The following ZNF718 variants were observed in gnomAD, a reference collection of about 807,000 sequenced individuals.
ZNF718 encodes the protein zinc finger protein 718.
In ZNF718, 3 loss-of-function variants were observed where a neutral mutation model predicts 2.6. The ratio of observed to expected loss-of-function variants is 1.16; its 90% CI spans 0.53 to 3.01. The LOEUF is 3.01. Among genes scored for constraint, ZNF718 ranks in the 30% most tolerant of loss-of-function variants. The pLI is 0.03. For synonymous variants in ZNF718, 135 were observed against 77.9 expected, an observed-to-expected ratio of 1.73 and a Z score of -3.86; for missense variants, 468 against 230.0, an observed-to-expected ratio of 2.03 and a Z score of -6.69.
chr4:179,746 A>G (rs1717427335), intron 3 of ZNF718, among the ~76,000 whole-genome samples: 1 of 152,202 alleles, frequency 6.6e-6, no homozygotes, highest in African/African-American at 2.4e-5. Context: ...TTGAAAACAA[A>G]TGTCCGTCTT....
intron 3 of ZNF718, among the ~76,000 whole-genome samples, chr4:160,642 C>G (rs1241341573): frequency 6.6e-6 from 1 of 152,086 alleles, no homozygotes; most frequent in African/African-American, 2.4e-5. Flanking sequence ...CTCTACCTCC[C>G]GGGTTCAAGG....
chr4:174,992 C>A (rs1233421231), intron 3 of ZNF718, among the ~76,000 whole-genome samples: 1 of 152,200 alleles, frequency 6.6e-6, no homozygotes, highest in East Asian at 1.9e-4. Flanking sequence ...ATGGCTAGAA[C>A]TTCTGCCCAT....
At chr4:169,220 G>C (rs189108609) in intron 3 of ZNF718, among the ~76,000 whole-genome samples, 2 of 151,912 alleles carry the variant, frequency 1.3e-5, no homozygotes, top group East Asian at 3.9e-4. Context: ...CTGAGAGACA[G>C]TGTTATAATT....
At chr4:125,213 G>T (rs1286128437) in intron 1 of ZNF718, 1 of 154,334 alleles carries the variant, frequency 6.5e-6, no homozygotes, top group Non-Finnish European at 1.4e-5. Flanking sequence ...CCTCCTCCGC[G>T]TGGCTGTTCC....
chr4:163,910 T>A lies in ZNF718; in HGVS notation c.*1788T>A, dbSNP rs1245165303. The stretch of plus-strand genomic sequence containing the variant: ...GTGGGTACATGGTATGTGTATACAT[T>A]CATGGCATAGATGGGTTACTTTGAT... On this transcript the variant is annotated 3_prime_UTR_variant, in exon 4 of 4. Transcript: ENST00000510175. 1 of 145,464 alleles carries A rather than the reference T, an allele frequency of 6.9e-6. No homozygotes were observed. The highest frequency in any genetic ancestry group is 2.5e-5 in the African/African-American group (1 of 40,268). The allele number at this position is 145,464 out of a possible 1,614,324, so 9.0% of individuals were successfully genotyped here.
intron 3 of ZNF718, among the ~76,000 whole-genome samples, chr4:151,376 G>C (rs755403175): frequency 6.6e-6 from 1 of 152,156 alleles, no homozygotes; most frequent in Non-Finnish European, 1.5e-5. Context: ...AAAGTGCTAG[G>C]ATTACAGGCA....
intron 3 of ZNF718, among the ~76,000 whole-genome samples, chr4:197,212 C>T (rs1273815798): frequency 1.3e-5 from 2 of 151,980 alleles, no homozygotes; most frequent in South Asian, 2.1e-4. Flanking sequence ...ACCTGGGAGC[C>T]TTTCACCCAC....
intron 3 of ZNF718, among the ~76,000 whole-genome samples, chr4:193,611 C>CTG (rs1364608604): frequency 1.6e-4 from 24 of 152,196 alleles, no homozygotes; most frequent in African/African-American, 5.8e-4. Context: ...TATCTAGTGA[C>CTG]TGTCTGTCCT....
intron 3 of ZNF718, among the ~76,000 whole-genome samples, chr4:184,708 T>G (rs1285683613): frequency 2.0e-5 from 3 of 152,104 alleles, no homozygotes; most frequent in African/African-American, 7.2e-5. Flanking sequence ...TTGGCCTATT[T>G]AGGGGTTCAA....
chr4:176,915 A>G (rs781922714), intron 3 of ZNF718, among the ~76,000 whole-genome samples: 2 of 152,102 alleles, frequency 1.3e-5, no homozygotes, highest in African/African-American at 2.4e-5. Context: ...GCTGACCTCA[A>G]CTCTTTCTGC....
At chr4:150,436 T>G (rs570791081) in intron 3 of ZNF718, 1 of 152,266 alleles carries the variant, frequency 6.6e-6, no homozygotes, top group African/African-American at 2.4e-5. Context: ...CAAAAATGAT[T>G]GCCAAGACCA....
intron 3 of ZNF718, among the ~76,000 whole-genome samples, chr4:193,910 G>C (rs1717742433): frequency 6.6e-6 from 1 of 152,160 alleles, no homozygotes; most frequent in African/African-American, 2.4e-5. Context: ...CAAGGGGGTG[G>C]ATTATTTCTA....
chr4:175,539 C>T (rs1717328757), intron 3 of ZNF718, among the ~76,000 whole-genome samples: 1 of 152,162 alleles, frequency 6.6e-6, no homozygotes, highest in Non-Finnish European at 1.5e-5. Flanking sequence ...TTTGCAGGGG[C>T]ACTGTTTATT....
At chr4:172,663 A>G (rs1489338460) in intron 3 of ZNF718, among the ~76,000 whole-genome samples, 2 of 152,212 alleles carry the variant, frequency 1.3e-5, no homozygotes, top group Non-Finnish European at 2.9e-5. Context: ...CACCTTCTTC[A>G]AACAAAATAA....
chr4:151,603 C>T (rs1052413520), intron 3 of ZNF718, among the ~76,000 whole-genome samples: 4 of 152,074 alleles, frequency 2.6e-5, no homozygotes, highest in African/African-American at 7.2e-5. Context: ...GCCTCAGCCT[C>T]GCAAGTAGCT....
At chr4:148,478 G>A (rs548050060) in intron 3 of ZNF718, among the ~76,000 whole-genome samples, 51 of 152,016 alleles carry the variant, frequency 3.4e-4, no homozygotes, top group African/African-American at 1.0e-3. Flanking sequence ...GCATGGTGGC[G>A]GGCATCTGTA....
At chr4:166,556 G>A (rs532381614), downstream of ZNF718, among the ~76,000 whole-genome samples, 6 of 152,204 alleles carry the variant, frequency 3.9e-5, no homozygotes, top group East Asian at 3.9e-4. Context: ...CTGGTGTGAG[G>A]TGGTATCTCA....
In ZNF718 at chr4:161,640, G is replaced by A. The variant is rs1716867120; in HGVS notation, c.955G>A (p.Val319Ile). 1 of 779,948 alleles carries A rather than the reference G, an allele frequency of 1.3e-6. No homozygotes were observed. The highest frequency in any genetic ancestry group is 2.4e-6 in the Non-Finnish European group (1 of 417,544). 48.3% of individuals were successfully genotyped at this position (779,948 alleles called of 1,614,324 possible). Reference sequence around the variant, plus strand: ...CTTCTCATGCGAAGAATGTGGCAATGTCTTTACCACATCCTCAGACTTTGC... The same window carrying A: ...CTTCTCATGCGAAGAATGTGGCAATATCTTTACCACATCCTCAGACTTTGC... Reference protein sequence around the residue: ...KPFSCEECGNVFTTSSDFAKH... With the variant: ...KPFSCEECGNIFTTSSDFAKH... Residue 319 changes from valine (V) to isoleucine (I), a missense_variant, in exon 4 of 4, where the codon GTC becomes ATC. Physicochemically the swap from Val to Ile is conservative, Grantham distance 29 (BLOSUM62 3). Coordinates refer to ENST00000510175, the MANE Select transcript of ZNF718 (RefSeq NM_001039127.6).
chr4:126,558 A>G (rs1715230309), intron 1 of ZNF718, among the ~76,000 whole-genome samples: 1 of 152,208 alleles, frequency 6.6e-6, no homozygotes, highest in African/African-American at 2.4e-5. Flanking sequence ...ACGTCCTGTC[A>G]TGAAGATGTG....
Sources: allele counts gnomAD v4.1 joint callset (sites outside exome capture counted in the v4.1 genomes callset), GRCh38; gene constraint gnomAD v4.1.1; transcripts MANE v1.5; gene names NCBI Gene and HGNC (gene_info 2026-07-23, HGNC 2026-07-21).